The following MICAL2 variants were observed in gnomAD, a reference collection of about 807,000 sequenced individuals.
The protein encoded by MICAL2 is [F-actin]-monooxygenase MICAL2.
MICAL2 carries 77 observed loss-of-function variants against 127.3 expected under a neutral mutation model. The observed-to-expected ratio is 0.60, with a 90% confidence interval of 0.50 to 0.73. The LOEUF (loss-of-function observed/expected upper bound fraction) is 0.73, where lower values mean the gene tolerates loss of function less well. MICAL2 is among the 30% of genes least tolerant of loss of function. The pLI is 0.00. For missense variants in MICAL2, 1,351 were observed against 1,434.4 expected, an observed-to-expected ratio of 0.94 and a Z score of 0.94; for synonymous variants, 570 against 551.1, an observed-to-expected ratio of 1.03 and a Z score of -0.48.
chr11:12,244,413 C>T (rs1382617743), intron 21 of MICAL2, among the ~76,000 whole-genome samples: 2 of 152,190 alleles, frequency 1.3e-5, no homozygotes, highest in Non-Finnish European at 2.9e-5. Context: ...GTGCAGTTCC[C>T]TTACTACAGT....
At chr11:12,319,816 C>T in intron 30 of MICAL2, 1 of 1,608,408 alleles carries the variant, frequency 6.2e-7, no homozygotes, top group Non-Finnish European at 8.5e-7. Flanking sequence ...TTAAAGGTAA[C>T]AACACTTGAC....
At chr11:12,185,204 G>T (rs1858065945) in intron 3 of MICAL2, among the ~76,000 whole-genome samples, 1 of 144,492 alleles carries the variant, frequency 6.9e-6, no homozygotes, top group African/African-American at 2.6e-5. Context: ...TGGGGGGATG[G>T]GTGGGTGGCA....
At chr11:12,304,679 CA>C (rs1864088545) in intron 29 of MICAL2, among the ~76,000 whole-genome samples, 1 of 151,688 alleles carries the variant, frequency 6.6e-6, no homozygotes, top group South Asian at 2.1e-4. Context: ...CACACACACA[CA>C]CACACACACA....
chr11:12,260,838 C>T lies in MICAL2; in HGVS notation c.3334+941C>T, dbSNP rs192179946. On this transcript the variant is annotated intron_variant, in intron 26 of 27. Coordinates refer to ENST00000683283, the MANE Select transcript of MICAL2 (RefSeq NM_001282663.2). Reference sequence around the variant, plus strand: ...TGTTAAACAGTAGCTTAAAGGCTTTCCCCCCCATACCAACTCACAGCCAAA... The same window carrying T: ...TGTTAAACAGTAGCTTAAAGGCTTTTCCCCCCATACCAACTCACAGCCAAA... The T allele has an allele frequency of 3.2e-4, 311 of 984,720 alleles. 1 individual carries two copies. The African/African-American group carries it at 5.1e-3, about 16-fold the overall frequency. 61.0% of individuals were successfully genotyped at this position (984,720 alleles called of 1,614,324 possible).
intron 3 of MICAL2, among the ~76,000 whole-genome samples, chr11:12,170,867 T>G (rs1220224937): frequency 6.6e-6 from 1 of 152,222 alleles, no homozygotes; most frequent in Non-Finnish European, 1.5e-5. Flanking sequence ...GGAGCATGCC[T>G]GGTTCATCCC....
Position 12,256,815 on chromosome 11 carries a change from C to A in MICAL2, c.2986C>A (p.Leu996Met). Residue 996 changes from leucine (L) to methionine (M), a missense_variant, in exon 24 of 28, where the codon CTG becomes ATG. Physicochemically the swap from Leu to Met is conservative, Grantham distance 15. This residue lies in a region of MICAL2 where 752 missense variants were observed against 719.4 expected (regional missense o/e 1.05). Coordinates refer to ENST00000683283, the MANE Select transcript of MICAL2 (RefSeq NM_001282663.2). ...TATGCGAAAGTCATTTCCCCTTAAC[C>A]TGGGAGGCAGCGACACGTGTTACTT... Reference protein sequence around the residue: ...ESMRKSFPLNLGGSDTCYFCK... With the variant: ...ESMRKSFPLNMGGSDTCYFCK... 2 of 1,613,682 alleles carry A rather than the reference C, an allele frequency of 1.2e-6. No homozygotes were observed. The highest frequency in any genetic ancestry group is 8.5e-7 in the Non-Finnish European group (1 of 1,179,710).
chr11:12,224,101 A>G (rs1857131603), intron 12 of MICAL2, among the ~76,000 whole-genome samples: 1 of 152,108 alleles, frequency 6.6e-6, no homozygotes, highest in Non-Finnish European at 1.5e-5. Context: ...GCTGTAATAA[A>G]CCACTTACCA....
In MICAL2 at chr11:12,242,698, G is replaced by C. The variant is rs749634265; in HGVS notation, c.2584G>C (p.Glu862Gln). ...GAGGGCTCAGAACTTGGCCAACAGGGAATTTCACACAAAGAACATTAAGGA... is the reference window on the plus strand; with the variant it reads ...GAGGGCTCAGAACTTGGCCAACAGGCAATTTCACACAAAGAACATTAAGGA... Reference protein sequence around the residue: ...QKRAQNLANREFHTKNIKEKA... With the variant: ...QKRAQNLANRQFHTKNIKEKA... Residue 862 changes from glutamate to glutamine, a missense_variant, in exon 20 of 28, where the codon GAA becomes CAA. By Grantham distance (29) the Glu-to-Gln change is conservative. Around this residue, in one of 2 missense-constraint regions of MICAL2, gnomAD observed 752 missense variants for 719.4 expected, o/e 1.05. Transcript: ENST00000683283. The C allele has an allele frequency of 6.2e-7, 1 of 1,612,730 alleles. No homozygotes were observed.
chr11:12,294,114 G>T (rs187860015), downstream of MICAL2: 26 of 1,613,862 alleles, frequency 1.6e-5, no homozygotes, highest in East Asian at 4.5e-5. Flanking sequence ...AAACCAGTCC[G>T]CCCCCTGCTG....
intron 24 of MICAL2, among the ~76,000 whole-genome samples, chr11:12,268,871 C>T (rs1045559107): frequency 1.1e-3 from 167 of 151,686 alleles, no homozygotes; most frequent in Non-Finnish European, 1.6e-3. Context: ...TAGTGGCAGG[C>T]GCCTGTAGTC....
rs77222992 is a variant in MICAL2, at chr11:12,234,858, C to T, written c.1996-1319C>T. Among the ~76,000 whole-genome samples the T allele has an allele frequency of 4.1e-3, 625 of 152,202 alleles. 5 individuals carry two copies. The highest frequency in any genetic ancestry group is 0.014 in the African/African-American group (568 of 41,514). On this transcript the variant is annotated intron_variant, in intron 15 of 27. Transcript: ENST00000683283. ...GGAGGTAAAAGAATCCTCCTGTGATCGGGTAGGTTAGGATTTACGGGGCTG... is the reference window on the plus strand; with the variant it reads ...GGAGGTAAAAGAATCCTCCTGTGATTGGGTAGGTTAGGATTTACGGGGCTG...
At chr11:12,125,489 C>T (rs528513924) in intron 1 of MICAL2, among the ~76,000 whole-genome samples, 4 of 152,268 alleles carry the variant, frequency 2.6e-5, no homozygotes, top group Non-Finnish European at 4.4e-5. Flanking sequence ...CTCCTGACCT[C>T]GTGATCTGCC....
At chr11:12,265,697 T>A (rs1462761770), downstream of MICAL2, among the ~76,000 whole-genome samples, 2 of 152,220 alleles carry the variant, frequency 1.3e-5, no homozygotes, top group Non-Finnish European at 2.9e-5. Flanking sequence ...GAGTCAATGA[T>A]AAATAGGCAA....
At chr11:12,353,967 A>G (rs1344591223) in intron 33 of MICAL2, among the ~76,000 whole-genome samples, 3 of 152,134 alleles carry the variant, frequency 2.0e-5, no homozygotes. Flanking sequence ...AAAGCTTTTG[A>G]TTGTCATTGC....
At chr11:12,206,375 ATT>A (rs1014421182) in intron 4 of MICAL2, among the ~76,000 whole-genome samples, 2 of 152,148 alleles carry the variant, frequency 1.3e-5, no homozygotes, top group Non-Finnish European at 2.9e-5. Context: ...TAGAAATAAC[ATT>A]GAGACAGGCA....
At chr11:12,328,983 G>A (rs768661681) in intron 32 of MICAL2, among the ~76,000 whole-genome samples, 2 of 152,238 alleles carry the variant, frequency 1.3e-5, no homozygotes, top group Admixed American at 1.3e-4. Flanking sequence ...TAGATTTCAG[G>A]GAAATGCTAG....
At chr11:12,292,368 C>T, downstream of MICAL2, 1 of 1,528,250 alleles carries the variant, frequency 6.5e-7, no homozygotes. Flanking sequence ...ACCTTCCACA[C>T]TTATCTCTGG....
At chr11:12,348,552 A>T (rs941801549) in intron 32 of MICAL2, among the ~76,000 whole-genome samples, 1 of 152,220 alleles carries the variant, frequency 6.6e-6, no homozygotes, top group African/African-American at 2.4e-5. Context: ...ATCAATAACA[A>T]GGTGGTCCAG....
intron 33 of MICAL2, among the ~76,000 whole-genome samples, chr11:12,353,888 G>T (rs1430562960): frequency 1.3e-5 from 2 of 152,090 alleles, no homozygotes; most frequent in Admixed American, 1.3e-4. Flanking sequence ...GTTTTCTCAT[G>T]TACCACAGTC....
Sources: gnomAD v4.1 joint callset for allele counts (sites outside exome capture counted in the v4.1 genomes callset) on GRCh38, gnomAD v4.1.1 for gene constraint, gnomAD v4.1.1 regional missense constraint, MANE v1.5 for transcripts, NCBI Gene and HGNC (gene_info 2026-07-23, HGNC 2026-07-21) for gene names.